MAF: variants seen among roughly 807,000 people sequenced by gnomAD.
MAF encodes MAF bZIP transcription factor, also known as transcription factor Maf.
In MAF, 10 loss-of-function variants were observed where a neutral mutation model predicts 22.0. The ratio of observed to expected loss-of-function variants is 0.45; its 90% CI spans 0.28 to 0.77. MAF has a LOEUF of 0.77. Ranked by LOEUF, MAF falls within the 30% of genes least tolerant of loss-of-function variation. MAF has a pLI of 0.12. For missense variants in MAF, 544 were observed against 548.4 expected, an observed-to-expected ratio of 0.99 and a Z score of 0.08; for synonymous variants, 337 against 255.8, an observed-to-expected ratio of 1.32 and a Z score of -3.03.
At chr16:79,248,905 C>T in the MAF span, among the ~76,000 whole-genome samples, 5 of 151,474 alleles carry the variant, frequency 3.3e-5, no homozygotes, top group African/African-American at 1.2e-4. Flanking sequence ...AGCCATTTAT[C>T]ATTAAGTACA....
At chr16:79,369,108 C>T in the MAF span, among the ~76,000 whole-genome samples, 1 of 152,218 alleles carries the variant, frequency 6.6e-6, no homozygotes, top group Non-Finnish European at 1.5e-5. Context: ...AATTCTCTTT[C>T]ATTTAAGCCT....
At chr16:79,280,892 C>T in the MAF span, among the ~76,000 whole-genome samples, 1 of 152,174 alleles carries the variant, frequency 6.6e-6, no homozygotes, top group African/African-American at 2.4e-5. Flanking sequence ...TGAATTGACT[C>T]TGAAGATTTA....
the MAF span, among the ~76,000 whole-genome samples, chr16:79,571,340 A>G: frequency 3.2e-4 from 49 of 151,984 alleles, no homozygotes; most frequent in Admixed American, 3.2e-3. Flanking sequence ...TCATTTTCCA[A>G]AACGGCTCCT....
the MAF span, among the ~76,000 whole-genome samples, chr16:79,284,144 C>A: frequency 1.3e-5 from 2 of 152,208 alleles, no homozygotes; most frequent in South Asian, 4.1e-4. Flanking sequence ...AGCAGAACAC[C>A]ACTGACCCTT....
At chr16:79,230,241 G>C in the MAF span, among the ~76,000 whole-genome samples, 450 of 152,240 alleles carry the variant, frequency 3.0e-3, 10 homozygotes, top group Admixed American at 0.023. Context: ...GGCAAGGGAA[G>C]CTCTCTTTGG....
the MAF span, among the ~76,000 whole-genome samples, chr16:79,444,777 C>T: frequency 1.3e-5 from 2 of 152,154 alleles, no homozygotes; most frequent in African/African-American, 4.8e-5. Context: ...ATTGCCCGGC[C>T]CACGTAATCT....
the MAF span, among the ~76,000 whole-genome samples, chr16:79,245,911 C>T: frequency 3.9e-5 from 6 of 151,990 alleles, no homozygotes; most frequent in African/African-American, 1.4e-4. Flanking sequence ...TCTGCAGGGA[C>T]ATGGATGAAG....
chr16:79,479,894 T>C, the MAF span, among the ~76,000 whole-genome samples: 4 of 152,234 alleles, frequency 2.6e-5, no homozygotes, highest in Non-Finnish European at 5.9e-5. Context: ...GGCTGGGATT[T>C]GAACCAGGCC....
chr16:79,212,128 A>G, the MAF span: 1 of 1,531,126 alleles, frequency 6.5e-7, no homozygotes, highest in Non-Finnish European at 8.7e-7. Context: ...GTTATAGAAT[A>G]GCCTGAGGTC....
At chr16:79,550,044 A>C in the MAF span, among the ~76,000 whole-genome samples, 6 of 152,134 alleles carry the variant, frequency 3.9e-5, no homozygotes, top group African/African-American at 1.4e-4. Flanking sequence ...TTTTACTTCC[A>C]TCTCTGTATT....
the MAF span, among the ~76,000 whole-genome samples, chr16:79,574,241 A>C: frequency 6.6e-6 from 1 of 152,208 alleles, no homozygotes; most frequent in African/African-American, 2.4e-5. Flanking sequence ...TGTGCGATCA[A>C]GTATCTTGGT....
chr16:79,467,110 A>G, the MAF span, among the ~76,000 whole-genome samples: 1 of 152,182 alleles, frequency 6.6e-6, no homozygotes, highest in Non-Finnish European at 1.5e-5. Flanking sequence ...TTGTCTTTCC[A>G]TTGGGCCCAG....
the MAF span, among the ~76,000 whole-genome samples, chr16:79,553,948 G>C: frequency 1.3e-5 from 2 of 152,052 alleles, no homozygotes; most frequent in Non-Finnish European, 2.9e-5. Context: ...AATTATCCAG[G>C]TGTGGTGGTG....
the MAF span, chr16:79,211,599 G>C: frequency 1.9e-6 from 3 of 1,614,164 alleles, no homozygotes; most frequent in Non-Finnish European, 2.5e-6. Context: ...TTTCTTCTTG[G>C]ATTTCCAGCA....
chr16:79,476,832 G>C, the MAF span, among the ~76,000 whole-genome samples: 1 of 152,212 alleles, frequency 6.6e-6, no homozygotes, highest in African/African-American at 2.4e-5. Flanking sequence ...TCATCTCTGT[G>C]CCTTGGTGTC....
At chr16:79,522,668 A>C in the MAF span, among the ~76,000 whole-genome samples, 1 of 152,214 alleles carries the variant, frequency 6.6e-6, no homozygotes. Context: ...GCAGGGTCCC[A>C]GTAAAGTGCT....
chr16:79,598,468 A>C (rs1386659259), intron 1 of MAF: 114 of 1,302,200 alleles, frequency 8.8e-5, no homozygotes, highest in Non-Finnish European at 1.1e-4. Flanking sequence ...AAAAAAAAAA[A>C]AAACAAGCTA....
chr16:79,499,127 T>C, the MAF span, among the ~76,000 whole-genome samples: 1 of 152,198 alleles, frequency 6.6e-6, no homozygotes, highest in Non-Finnish European at 1.5e-5. Flanking sequence ...GCAATCTCCA[T>C]TGTATTAGTC....
the MAF span, among the ~76,000 whole-genome samples, chr16:79,384,480 G>C: frequency 2.0e-5 from 3 of 148,932 alleles, no homozygotes; most frequent in South Asian, 2.1e-4. Context: ...GGGAGCGGCC[G>C]GGCATGGTGG....
Sources: gnomAD v4.1 joint callset for allele counts (sites outside exome capture counted in the v4.1 genomes callset) on GRCh38, gnomAD v4.1.1 for gene constraint, MANE v1.5 for transcripts, NCBI Gene and HGNC (gene_info 2026-07-23, HGNC 2026-07-21) for gene names.